JAZF1: variants seen among roughly 807,000 people sequenced by gnomAD.
JAZF1 encodes JAZF zinc finger 1, also known as juxtaposed with another zinc finger protein 1.
In JAZF1, 8 loss-of-function variants were observed where a neutral mutation model predicts 26.4. The observed-to-expected ratio is 0.30, with a 90% CI of 0.18 to 0.55. The LOEUF (loss-of-function observed/expected upper bound fraction) is 0.55, where lower values mean the gene tolerates loss of function less well. Ranked by LOEUF, JAZF1 falls within the 20% of genes least tolerant of loss-of-function variation. The pLI is 0.94. For missense variants in JAZF1, 199 were observed against 322.0 expected (o/e 0.62, Z 2.92); for synonymous variants, 126 against 122.3 (o/e 1.03, Z -0.20).
chr7:27,870,244 C>T (rs1251030079), intron 3 of JAZF1, among the ~76,000 whole-genome samples: 4 of 151,930 alleles, frequency 2.6e-5, no homozygotes, highest in Admixed American at 2.6e-4. Context: ...ATTTAGAAAG[C>T]CCCCATAAGC....
intron 1 of JAZF1, among the ~76,000 whole-genome samples, chr7:28,144,546 G>C (rs545655902): frequency 6.6e-6 from 1 of 152,264 alleles, no homozygotes; most frequent in Non-Finnish European, 1.5e-5. Context: ...GTCACCAGGA[G>C]GCTGGGGCTC....
Position 27,866,927 on chromosome 7 carries a change from G to A in JAZF1, c.386-26060C>T, listed in dbSNP as rs183752648. Among the ~76,000 whole-genome samples, 3 of 152,342 alleles carry A rather than the reference G, an allele frequency of 2.0e-5. 1 individual carries two copies. Among genetic ancestry groups the A allele is most frequent in the Non-Finnish European group, 4.4e-5 (3 of 68,038 alleles). ...TTGGGTGGGCAGACTGCATCACACC[G>A]TGGAGGAATGCAAGGTTGGAGATGG... On this transcript the variant is annotated intron_variant, in intron 3 of 4. Coordinates refer to ENST00000283928, the MANE Select transcript of JAZF1 (RefSeq NM_175061.4).
intron 2 of JAZF1, among the ~76,000 whole-genome samples, chr7:27,977,213 A>G (rs77428910): frequency 0.012 from 1,903 of 152,328 alleles, 40 homozygotes; most frequent in African/African-American, 0.042. Context: ...TATCTGATCC[A>G]TTCCTATGAA....
chr7:28,135,675 C>A (rs922997262), intron 1 of JAZF1, among the ~76,000 whole-genome samples: 1 of 152,192 alleles, frequency 6.6e-6, no homozygotes, highest in Non-Finnish European at 1.5e-5. Context: ...GAGGCAATTA[C>A]TTTTTAAGTC....
At chr7:27,842,099 G>A (rs949910440) in intron 3 of JAZF1, 1 of 152,094 alleles carries the variant, frequency 6.6e-6, no homozygotes, top group Admixed American at 6.5e-5. Flanking sequence ...TGTTTGAAGA[G>A]CCAGTTGCGC....
chr7:27,880,698 T>C (rs1444316666), intron 3 of JAZF1, among the ~76,000 whole-genome samples: 1 of 152,172 alleles, frequency 6.6e-6, no homozygotes, highest in African/African-American at 2.4e-5. Context: ...AGGGTCTTGC[T>C]CTGTTGCCCA....
At chr7:28,092,126 A>G (rs1347945989) in intron 1 of JAZF1, among the ~76,000 whole-genome samples, 1 of 151,952 alleles carries the variant, frequency 6.6e-6, no homozygotes, top group Non-Finnish European at 1.5e-5. Context: ...TGTAAACACA[A>G]TGTTGTATTT....
rs551878320 is a variant in JAZF1, at chr7:28,007,528, C to T, written c.116-15547G>A. Among the ~76,000 whole-genome samples the T allele has an allele frequency of 3.3e-5, 5 of 151,894 alleles. 1 individual carries two copies. The highest frequency in any genetic ancestry group is 1.9e-4 in the East Asian group (1 of 5,156). Reference sequence around the variant, plus strand: ...AGGTTGCAGTGAGCCGAGATCATGCCGCTGCACTCCAGCCTGGGCAACAGA... The same window carrying T: ...AGGTTGCAGTGAGCCGAGATCATGCTGCTGCACTCCAGCCTGGGCAACAGA... On this transcript the variant is annotated intron_variant, in intron 1 of 4. Transcript: ENST00000283928.
intron 2 of JAZF1, among the ~76,000 whole-genome samples, chr7:27,900,721 A>G (rs1195536111): frequency 1.3e-5 from 2 of 152,256 alleles, no homozygotes; most frequent in Non-Finnish European, 2.9e-5. Context: ...TAAAATTGTA[A>G]AAAGTAATAT....
At chr7:27,995,802 T>A (rs185784830) in intron 1 of JAZF1, among the ~76,000 whole-genome samples, 2 of 152,254 alleles carry the variant, frequency 1.3e-5, no homozygotes, top group Admixed American at 1.3e-4. Context: ...CCTAGTAACT[T>A]ATGGTTTTAC....
intron 3 of JAZF1, among the ~76,000 whole-genome samples, chr7:27,866,883 G>A (rs1307773219): frequency 2.0e-5 from 3 of 152,150 alleles, no homozygotes; most frequent in Admixed American, 1.3e-4. Flanking sequence ...CTCTGGCCTC[G>A]AGGTGCACGA....
chr7:28,153,111 G>A (rs1026539068), intron 1 of JAZF1, among the ~76,000 whole-genome samples: 2 of 152,084 alleles, frequency 1.3e-5, no homozygotes, highest in Non-Finnish European at 2.9e-5. Context: ...TTTCTCCCTC[G>A]AATCAGCACC....
At chr7:27,880,037 A>G (rs1380303637) in intron 3 of JAZF1, among the ~76,000 whole-genome samples, 3 of 152,228 alleles carry the variant, frequency 2.0e-5, no homozygotes, top group Non-Finnish European at 4.4e-5. Context: ...TTTAAGAGGC[A>G]CAGCTACCAC....
At chr7:28,097,906 G>A (rs1312910209) in intron 1 of JAZF1, among the ~76,000 whole-genome samples, 3 of 152,176 alleles carry the variant, frequency 2.0e-5, no homozygotes, top group Admixed American at 6.5e-5. Context: ...CTGCACAGGG[G>A]TGCCCAGCTC....
chr7:28,165,422 A>T (rs1783353441), intron 1 of JAZF1, among the ~76,000 whole-genome samples: 1 of 152,128 alleles, frequency 6.6e-6, no homozygotes. Context: ...TGGGGCTTTG[A>T]GCTATTTGAA....
At chr7:28,096,145 C>A (rs968658844) in intron 1 of JAZF1, among the ~76,000 whole-genome samples, 3 of 152,142 alleles carry the variant, frequency 2.0e-5, no homozygotes, top group African/African-American at 7.2e-5. Flanking sequence ...ATAAGCAGAA[C>A]TGAGAGGGAG....
At chr7:27,976,742 T>C (rs371240795) in intron 2 of JAZF1, among the ~76,000 whole-genome samples, 1 of 151,700 alleles carries the variant, frequency 6.6e-6, no homozygotes, top group East Asian at 1.9e-4. Context: ...AAACATCAAA[T>C]GCTTCAGGCT....
chr7:27,850,436 A>G (rs1783123365), intron 3 of JAZF1, among the ~76,000 whole-genome samples: 1 of 152,198 alleles, frequency 6.6e-6, no homozygotes. Flanking sequence ...GCCAGAAGTA[A>G]TACTTCCATA....
intron 3 of JAZF1, among the ~76,000 whole-genome samples, chr7:27,876,658 A>G (rs1783685723): frequency 6.6e-6 from 1 of 152,244 alleles, no homozygotes; most frequent in Non-Finnish European, 1.5e-5. Context: ...TTGGCAAGCA[A>G]GAAAGTAAAA....
Sources: allele counts gnomAD v4.1 joint callset (sites outside exome capture counted in the v4.1 genomes callset), GRCh38; gene constraint gnomAD v4.1.1; transcripts MANE v1.5; gene names NCBI Gene and HGNC (gene_info 2026-07-23, HGNC 2026-07-21).